The following OSMR variants were observed in gnomAD, a reference collection of about 807,000 sequenced individuals.
The protein encoded by OSMR is oncostatin M receptor, also known as oncostatin-M-specific receptor subunit beta.
In OSMR, 81 loss-of-function variants were observed where a neutral mutation model predicts 99.9. That is an observed-to-expected ratio of 0.81 (90% CI 0.68 to 0.97). The LOEUF (loss-of-function observed/expected upper bound fraction) is 0.97, where lower values mean the gene tolerates loss of function less well. Among genes scored for constraint, OSMR ranks in the 50% least tolerant of loss-of-function variants. The pLI, the probability that OSMR is intolerant of heterozygous loss-of-function variation, is 0.00. For missense variants in OSMR, 1,099 were observed against 1,153.4 expected, an observed-to-expected ratio of 0.95 and a Z score of 0.68; for synonymous variants, 406 against 410.4, an observed-to-expected ratio of 0.99 and a Z score of 0.13.
At chr5:38,943,167 TA>T (rs1554058622) in intron 1 of OSMR, 1 of 415,234 alleles carries the variant, frequency 2.4e-6, no homozygotes. Flanking sequence ...GGTTTTTTTT[TA>T]AAAAAAATGA....
intron 7 of OSMR, among the ~76,000 whole-genome samples, chr5:38,896,126 C>T (rs1303256182): frequency 6.6e-6 from 1 of 151,920 alleles, no homozygotes; most frequent in Non-Finnish European, 1.5e-5. Flanking sequence ...ATAGCTTTGG[C>T]AATTCTGGGT....
chr5:38,929,090 A>T (rs996440074), intron 15 of OSMR, among the ~76,000 whole-genome samples: 1 of 152,190 alleles, frequency 6.6e-6, no homozygotes, highest in Admixed American at 6.5e-5. Flanking sequence ...AAAAATAGGT[A>T]TACTATTATG....
At chr5:38,905,780 G>GT (rs1462431028) in intron 9 of OSMR, among the ~76,000 whole-genome samples, 2 of 152,182 alleles carry the variant, frequency 1.3e-5, no homozygotes, top group Non-Finnish European at 2.9e-5. Context: ...TCTAGATCTT[G>GT]TTGATTCAAG....
chr5:38,936,099 A>AAAAT (rs1412526155), downstream of OSMR, among the ~76,000 whole-genome samples: 4 of 152,180 alleles, frequency 2.6e-5, no homozygotes, highest in African/African-American at 7.2e-5. Context: ...ATGTGTCAGG[A>AAAAT]AAATAATAAT....
At chr5:38,944,900 T>A in intron 2 of OSMR, 1 of 1,611,774 alleles carries the variant, frequency 6.2e-7, no homozygotes, top group Non-Finnish European at 8.5e-7. Context: ...TGGATTTGAA[T>A]CTGAAGACTC....
At chr5:38,925,011 G>GCTTTTTA in intron 14 of OSMR, 193 bp from the exon 15 acceptor site, 1 of 913,554 alleles carries the variant, frequency 1.1e-6, no homozygotes. Context: ...TTTGCTTTTT[G>GCTTTTTA]TGCCATCTCC....
At chr5:38,905,517 T>C (rs1207757064) in intron 9 of OSMR, among the ~76,000 whole-genome samples, 1 of 152,146 alleles carries the variant, frequency 6.6e-6, no homozygotes, top group East Asian at 1.9e-4. Context: ...GGAGTCAACA[T>C]TTACTGTGAG....
intron 7 of OSMR, among the ~76,000 whole-genome samples, chr5:38,897,219 G>T (rs920417505): frequency 3.3e-5 from 5 of 152,056 alleles, no homozygotes; most frequent in African/African-American, 7.2e-5. Flanking sequence ...AGTTTGAGTA[G>T]AATTGATATT....
intron 11 of OSMR, among the ~76,000 whole-genome samples, chr5:38,920,311 C>T (rs1220941459): frequency 6.6e-6 from 1 of 152,182 alleles, no homozygotes; most frequent in Non-Finnish European, 1.5e-5. Context: ...TAAGGTTAAG[C>T]CAGTTCACAC....
At chr5:38,942,452 AT>A (rs200385182) in intron 1 of OSMR, 44,004 of 551,566 alleles carry the variant, frequency 0.08, 1 homozygote, top group East Asian at 0.11. Flanking sequence ...TAAATATCTA[AT>A]TTTTTTTTTT....
chr5:38,852,902 T>C (rs917013003), intron 1 of OSMR, among the ~76,000 whole-genome samples: 9 of 151,796 alleles, frequency 5.9e-5, no homozygotes, highest in Non-Finnish European at 1.2e-4. Context: ...GGCTAATTTT[T>C]TGTATTTTTT....
chr5:38,886,346 T>C (rs945612382), intron 7 of OSMR, 156 bp downstream of exon 7: 2 of 1,469,364 alleles, frequency 1.4e-6, no homozygotes, highest in Non-Finnish European at 1.8e-6. Context: ...TTTCTCCTCA[T>C]GGATGCACGC....
At chr5:38,945,038 C>T (rs548393866) in exon 3 of OSMR, 3 of 1,609,970 alleles carry the variant, frequency 1.9e-6, no homozygotes, top group East Asian at 2.2e-5. Context: ...AGTCTGCTCA[C>T]ACCAATCAGA....
At chr5:38,883,300 C>T (rs776141717) in intron 4 of OSMR, among the ~76,000 whole-genome samples, 2 of 152,188 alleles carry the variant, frequency 1.3e-5, no homozygotes, top group Non-Finnish European at 2.9e-5. Flanking sequence ...TTGAGGGACT[C>T]GCATTTCTGA....
At chr5:38,899,126 A>C (rs1744723848) in intron 7 of OSMR, among the ~76,000 whole-genome samples, 1 of 151,776 alleles carries the variant, frequency 6.6e-6, no homozygotes, top group African/African-American at 2.4e-5. Context: ...CGCCTGGCTA[A>C]ATTTTGTATT....
chr5:38,945,486 C>T (rs765625947), downstream of OSMR: 2 of 1,592,260 alleles, frequency 1.3e-6, no homozygotes, highest in South Asian at 2.2e-5. Context: ...GACGTGATCA[C>T]TTACCTGAAT....
rs1416276589 is a variant in OSMR at position 38,933,133 on chromosome 5, T to A, written c.2629T>A (p.Ser877Thr). ...DSGSCGHVPV[S>T]PKAPSMLGLM... ...TGGCTCTTGTGGCCATGTTCCAGTA[T>A]CCCCAAAAGCCCCAAGTATGCTGGG... Residue 877 changes from serine to threonine, a missense_variant, in exon 18 of 18, where the codon TCC becomes ACC. Physicochemically the swap from Ser to Thr is moderately conservative, Grantham distance 58 (BLOSUM62 1). Transcript: ENST00000274276. 1 of 1,614,138 alleles carries A rather than the reference T, an allele frequency of 6.2e-7. No individual in the cohort carries two copies. The highest frequency in any genetic ancestry group is 8.5e-7 in the Non-Finnish European group (1 of 1,180,010).
At chr5:38,901,023 C>T (rs775579273) in intron 7 of OSMR, among the ~76,000 whole-genome samples, 4 of 152,216 alleles carry the variant, frequency 2.6e-5, no homozygotes, top group Non-Finnish European at 5.9e-5. Context: ...TGTTTTTCTT[C>T]TGACAACATG....
chr5:38,932,715 T>A (rs1280209480), intron 17 of OSMR, 157 bp from the exon 18 acceptor site: 1 of 985,254 alleles, frequency 1.0e-6, no homozygotes, highest in East Asian at 1.1e-4. Context: ...TCAGGGGAAA[T>A]CTTTTGGTTT....
Sources: allele counts gnomAD v4.1 joint callset (sites outside exome capture counted in the v4.1 genomes callset), GRCh38; gene constraint gnomAD v4.1.1; transcripts MANE v1.5; gene names NCBI Gene and HGNC (gene_info 2026-07-23, HGNC 2026-07-21).